The following NAA38 variants were observed in gnomAD, a reference collection of about 807,000 sequenced individuals.
NAA38 encodes LSM domain containing 1.
Under a neutral mutation model 12.6 loss-of-function variants are expected in NAA38, and 15 were observed. The observed-to-expected ratio is 1.19, with a 90% CI of 0.79 to 1.83. The LOEUF (loss-of-function observed/expected upper bound fraction) is 1.83, where lower values mean the gene tolerates loss of function less well. Ranked by LOEUF, NAA38 falls within the 40% of genes most tolerant of loss-of-function variation. NAA38 has a pLI of 0.00. For synonymous variants in NAA38, 88 were observed against 69.9 expected, an observed-to-expected ratio of 1.26 and a Z score of -1.29; for missense variants, 183 against 171.7, an observed-to-expected ratio of 1.07 and a Z score of -0.37.
At chr17:7,857,283 C>A in intron 1 of NAA38, 85 bp from the exon 2 acceptor site, 1 of 1,610,886 alleles carries the variant, frequency 6.2e-7, no homozygotes, top group Non-Finnish European at 8.5e-7. Flanking sequence ...CCGCGGGGCA[C>A]TCACACAAAG....
Position 7,857,155 on chromosome 17 carries a change from C to T in NAA38, c.125G>A (p.Arg42Gln), listed in dbSNP as rs1297655615. 1 of 1,612,958 alleles carries T rather than the reference C, an allele frequency of 6.2e-7. No individual in the cohort carries two copies. Among genetic ancestry groups the T allele is most frequent in the Non-Finnish European group, 8.5e-7 (1 of 1,179,998 alleles). Residue 42 changes from arginine (R) to glutamine (Q), a missense_variant, in exon 2 of 3, where the codon CGA (arginine) becomes CAA (glutamine). By Grantham distance (43) the Arg-to-Gln change is conservative (BLOSUM62 1). Transcript: ENST00000575771. ...EREDSAAERA[R>Q]QQLEALLNKT... ...GTTGAGCAGCGCCTCTAGCTGCTGT[C>T]GGGCGCGCTCAGCCGCCGAGTCCTC...
chr17:7,859,900 A>G, upstream of NAA38: 1 of 419,832 alleles, frequency 2.4e-6, no homozygotes, highest in South Asian at 2.6e-5. Context: ...GAACTGTTTG[A>G]TAGTTAAGAG....
At chr17:7,880,665 G>A (rs561976544) in intron 2 of NAA38, among the ~76,000 whole-genome samples, 1 of 152,150 alleles carries the variant, frequency 6.6e-6, no homozygotes, top group Non-Finnish European at 1.5e-5. Flanking sequence ...CCTACTCTGT[G>A]TGCATGTAAG....
At chr17:7,858,800 C>A (rs1198215871), upstream of NAA38, 1 of 1,563,430 alleles carries the variant, frequency 6.4e-7, no homozygotes. Context: ...TTAACACGCT[C>A]ACGTCGCAGG....
At chr17:7,884,860 G>A in intron 1 of NAA38, 1 of 1,219,526 alleles carries the variant, frequency 8.2e-7, no homozygotes, top group Non-Finnish European at 1.1e-6. Context: ...TGGTGGTGTC[G>A]GAGGAGGAAG....
At chr17:7,883,754 C>T (rs981972431) in intron 1 of NAA38, among the ~76,000 whole-genome samples, 6 of 151,006 alleles carry the variant, frequency 4.0e-5, no homozygotes, top group African/African-American at 1.5e-4. Flanking sequence ...TATATATAAA[C>T]ATATATTTCA....
intron 2 of NAA38, among the ~76,000 whole-genome samples, chr17:7,879,278 CAT>C (rs901405863): frequency 2.0e-5 from 3 of 152,092 alleles, no homozygotes; most frequent in African/African-American, 7.2e-5. Context: ...GGTAGAAAAT[CAT>C]AGATTGCAAG....
At chr17:7,872,938 G>A (rs1339640049) in intron 2 of NAA38, among the ~76,000 whole-genome samples, 3 of 152,118 alleles carry the variant, frequency 2.0e-5, no homozygotes, top group Non-Finnish European at 4.4e-5. Context: ...CTCCTCTCTG[G>A]AGCCTAATGA....
chr17:7,873,263 AAGG>A (rs1177564260), intron 2 of NAA38, among the ~76,000 whole-genome samples: 1 of 152,026 alleles, frequency 6.6e-6, no homozygotes, highest in African/African-American at 2.4e-5. Context: ...AGGGACTGAC[AAGG>A]AGGAGCCAGA....
intron 2 of NAA38, chr17:7,877,180 C>G (rs1432543212): frequency 8.9e-6 from 2 of 225,446 alleles, no homozygotes; most frequent in Non-Finnish European, 1.8e-5. Context: ...ATAATAAATA[C>G]TTTCTCATTG....
upstream of NAA38, chr17:7,859,007 G>C: frequency 1.7e-6 from 1 of 578,744 alleles, no homozygotes; most frequent in Non-Finnish European, 3.0e-6. Flanking sequence ...AGGAGTGTCT[G>C]GGTCACAGGG....
upstream of NAA38, chr17:7,860,524 C>T (rs914640062): frequency 6.6e-6 from 1 of 152,212 alleles, no homozygotes; most frequent in Non-Finnish European, 1.5e-5. Flanking sequence ...GTAGTAACCA[C>T]TAGAGCCAGA....
At chr17:7,875,434 G>A (rs1244067724) in intron 2 of NAA38, among the ~76,000 whole-genome samples, 2 of 152,018 alleles carry the variant, frequency 1.3e-5, no homozygotes, top group Admixed American at 6.5e-5. Context: ...CTCCTGGGCT[G>A]AGCTCTCCTC....
At chr17:7,863,802 A>G (rs1966915658) in intron 3 of NAA38, 2 of 152,186 alleles carry the variant, frequency 1.3e-5, no homozygotes, top group South Asian at 4.1e-4. Flanking sequence ...AACAGCCTCA[A>G]AAGTAAAATA....
chr17:7,878,650 C>T (rs977218667), intron 2 of NAA38, among the ~76,000 whole-genome samples: 4 of 152,184 alleles, frequency 2.6e-5, no homozygotes, highest in African/African-American at 9.6e-5. Flanking sequence ...GGCTGAAACC[C>T]GGGAGGCAGA....
intron 1 of NAA38, among the ~76,000 whole-genome samples, chr17:7,884,310 G>T (rs1022423143): frequency 6.7e-6 from 1 of 149,510 alleles, no homozygotes; most frequent in East Asian, 2.0e-4. Context: ...CGGTGCTGGA[G>T]GGGGGGTTGT....
intron 2 of NAA38, among the ~76,000 whole-genome samples, chr17:7,878,590 G>A (rs1057179249): frequency 1.3e-5 from 2 of 152,128 alleles, no homozygotes; most frequent in African/African-American, 4.8e-5. Context: ...GGGTGTGGTG[G>A]TGGCACGCGC....
chr17:7,874,946 A>G (rs957993108), intron 2 of NAA38, among the ~76,000 whole-genome samples: 6 of 151,438 alleles, frequency 4.0e-5, no homozygotes, highest in Non-Finnish European at 5.9e-5. Flanking sequence ...TGTAATCCCA[A>G]CACTTCAGAA....
chr17:7,881,507 G>A (rs147052573), intron 2 of NAA38, among the ~76,000 whole-genome samples: 1 of 152,000 alleles, frequency 6.6e-6, no homozygotes, highest in African/African-American at 2.4e-5. Context: ...AAGACTTTGA[G>A]GCAAAGGGGT....
Sources: allele counts gnomAD v4.1 joint callset (sites outside exome capture counted in the v4.1 genomes callset), GRCh38; gene constraint gnomAD v4.1.1; transcripts MANE v1.5; gene names NCBI Gene and HGNC (gene_info 2026-07-23, HGNC 2026-07-21).